LYPLAL1: variants seen among roughly 807,000 people sequenced by gnomAD.
LYPLAL1 encodes lysophospholipase-like protein 1.
In LYPLAL1, 23 loss-of-function variants were observed where a neutral mutation model predicts 19.7. The observed-to-expected ratio is 1.17, with a 90% CI of 0.84 to 1.65. LYPLAL1 has a LOEUF of 1.65. Among genes scored for constraint, LYPLAL1 ranks in the 40% most tolerant of loss-of-function variants. The pLI is 0.00. For synonymous variants in LYPLAL1, 119 were observed against 96.3 expected (o/e 1.24, Z -1.38); for missense variants, 355 against 279.4 (o/e 1.27, Z -1.93).
chr1:219,256,964 G>A, the LYPLAL1 span, among the ~76,000 whole-genome samples: 1 of 151,894 alleles, frequency 6.6e-6, no homozygotes, highest in South Asian at 2.1e-4. Flanking sequence ...ATTGAAGCTT[G>A]CCTTATGACC....
the LYPLAL1 span, among the ~76,000 whole-genome samples, chr1:219,394,204 A>G: frequency 4.6e-5 from 7 of 152,204 alleles, no homozygotes; most frequent in Non-Finnish European, 7.3e-5. Flanking sequence ...TTGTCTAGAT[A>G]AAAGTTATTT....
chr1:219,242,460 A>G, the LYPLAL1 span, among the ~76,000 whole-genome samples: 1 of 152,176 alleles, frequency 6.6e-6, no homozygotes, highest in African/African-American at 2.4e-5. Flanking sequence ...AGCAGGGCCT[A>G]TTCAGAGCAC....
chr1:219,377,471 A>C, the LYPLAL1 span, among the ~76,000 whole-genome samples: 1 of 152,312 alleles, frequency 6.6e-6, no homozygotes, highest in African/African-American at 2.4e-5. Flanking sequence ...GATACTTAAA[A>C]ATTGTTAAAA....
the LYPLAL1 span, among the ~76,000 whole-genome samples, chr1:219,248,047 A>G: frequency 2.0e-5 from 3 of 152,202 alleles, no homozygotes; most frequent in African/African-American, 7.2e-5. Context: ...CTTAATATGC[A>G]TCTAAAGTTT....
chr1:219,181,879 T>C (rs1656323991), intron 2 of LYPLAL1, among the ~76,000 whole-genome samples: 3 of 152,160 alleles, frequency 2.0e-5, no homozygotes. Flanking sequence ...TCTAAGCACT[T>C]AGCATAGAAC....
the LYPLAL1 span, among the ~76,000 whole-genome samples, chr1:219,331,282 G>A: frequency 2.4e-4 from 37 of 152,174 alleles, no homozygotes; most frequent in African/African-American, 8.9e-4. Flanking sequence ...GTATTGCCAC[G>A]TGTATTAGAC....
the LYPLAL1 span, among the ~76,000 whole-genome samples, chr1:219,292,439 G>T: frequency 6.6e-6 from 1 of 152,208 alleles, no homozygotes; most frequent in Non-Finnish European, 1.5e-5. Flanking sequence ...TAGTTAGGAA[G>T]ATCTAAGCTC....
chr1:219,373,334 G>A, the LYPLAL1 span, among the ~76,000 whole-genome samples: 146 of 152,264 alleles, frequency 9.6e-4, 1 homozygote, highest in African/African-American at 2.6e-3. Context: ...GGTAGCTAAC[G>A]CAGTATATTG....
chr1:219,263,579 T>C, the LYPLAL1 span, among the ~76,000 whole-genome samples: 1 of 152,264 alleles, frequency 6.6e-6, no homozygotes, highest in South Asian at 2.1e-4. Context: ...CGAAGTTCAG[T>C]GGGAAGCTTC....
the LYPLAL1 span, among the ~76,000 whole-genome samples, chr1:219,320,835 T>TC: frequency 6.6e-6 from 1 of 152,244 alleles, no homozygotes; most frequent in African/African-American, 2.4e-5. Context: ...TAATCCAGTC[T>TC]ATCATTGATG....
At chr1:219,389,994 C>T in the LYPLAL1 span, among the ~76,000 whole-genome samples, 1 of 152,146 alleles carries the variant, frequency 6.6e-6, no homozygotes, top group Non-Finnish European at 1.5e-5. Context: ...TCACTTAATG[C>T]TCCCGAATTG....
chr1:219,324,783 T>C, the LYPLAL1 span, among the ~76,000 whole-genome samples: 4 of 152,284 alleles, frequency 2.6e-5, no homozygotes, highest in East Asian at 5.8e-4. Context: ...TCAGTACATA[T>C]GATTTTTGTT....
chr1:219,274,357 T>C, the LYPLAL1 span, among the ~76,000 whole-genome samples: 1 of 152,294 alleles, frequency 6.6e-6, no homozygotes, highest in South Asian at 2.1e-4. Context: ...ATCTTTTAAC[T>C]GAAGAAAACT....
the LYPLAL1 span, among the ~76,000 whole-genome samples, chr1:219,274,710 G>C: frequency 6.6e-6 from 1 of 152,136 alleles, no homozygotes; most frequent in East Asian, 1.9e-4. Flanking sequence ...GAATTGAAGT[G>C]GTATTGATCA....
At chr1:219,427,171 A>C in the LYPLAL1 span, among the ~76,000 whole-genome samples, 1 of 152,214 alleles carries the variant, frequency 6.6e-6, no homozygotes, top group Non-Finnish European at 1.5e-5. Flanking sequence ...AATCTTCATC[A>C]ATGTGGCCAA....
the LYPLAL1 span, among the ~76,000 whole-genome samples, chr1:219,344,521 A>G: frequency 6.6e-6 from 1 of 152,186 alleles, no homozygotes; most frequent in Non-Finnish European, 1.5e-5. Context: ...ATGGTTTTAA[A>G]TAAGTCCACA....
At chr1:219,289,085 T>G in the LYPLAL1 span, among the ~76,000 whole-genome samples, 9 of 149,224 alleles carry the variant, frequency 6.0e-5, no homozygotes, top group African/African-American at 1.5e-4. Context: ...TTTGTTTTTT[T>G]TGTTTTTTTT....
At chr1:219,375,568 A>G in the LYPLAL1 span, among the ~76,000 whole-genome samples, 2 of 150,516 alleles carry the variant, frequency 1.3e-5, no homozygotes, top group African/African-American at 4.8e-5. Context: ...AAAAGAGGAT[A>G]GGTTTTGGTT....
the LYPLAL1 span, among the ~76,000 whole-genome samples, chr1:219,420,002 A>C: frequency 6.6e-6 from 1 of 152,206 alleles, no homozygotes; most frequent in Admixed American, 6.5e-5. Context: ...TGCTTGGGAA[A>C]GGGAACAACT....
Sources: allele counts gnomAD v4.1 joint callset (sites outside exome capture counted in the v4.1 genomes callset), GRCh38; gene constraint gnomAD v4.1.1; transcripts MANE v1.5; gene names NCBI Gene and HGNC (gene_info 2026-07-23, HGNC 2026-07-21).